The following HTT variants were observed in gnomAD, a reference collection of about 807,000 sequenced individuals.
The protein encoded by HTT is huntingtin, also known as huntington disease protein.
Under a neutral mutation model 362.3 loss-of-function variants are expected in HTT, and 104 were observed. The observed-to-expected ratio is 0.29, with a 90% CI of 0.24 to 0.34. The LOEUF is 0.34. HTT is among the 10% of genes least tolerant of loss of function. HTT has a pLI of 1.00. For missense variants in HTT, 3,301 were observed against 3,928.6 expected (o/e 0.84, Z 4.27); for synonymous variants, 1,577 against 1,548.7 (o/e 1.02, Z -0.43).
At chr4:3,210,107 G>A (rs1052135773) in intron 47 of HTT, among the ~76,000 whole-genome samples, 158 bp downstream of exon 47, 2 of 152,190 alleles carry the variant, frequency 1.3e-5, no homozygotes, top group Admixed American at 6.5e-5. Context: ...CTCTGAATGG[G>A]GCCGGGAAGT....
chr4:3,140,770 A>G, intron 22 of HTT, 114 bp downstream of exon 22: 1 of 1,006,060 alleles, frequency 9.9e-7, no homozygotes. Flanking sequence ...TCAGCTCAGG[A>G]TGTTTGAGTG....
chr4:3,152,529 A>T (rs1210004623), intron 26 of HTT, among the ~76,000 whole-genome samples: 1 of 152,076 alleles, frequency 6.6e-6, no homozygotes, highest in African/African-American at 2.4e-5. Context: ...GGAACTCTGT[A>T]CTCTTTACCC....
chr4:3,097,341 G>A (rs903830197), intron 2 of HTT, among the ~76,000 whole-genome samples: 10 of 151,936 alleles, frequency 6.6e-5, no homozygotes, highest in African/African-American at 1.9e-4. Context: ...ATATTAAAAG[G>A]ACTGTATGAG....
At chr4:3,219,017 A>G (rs1222560292) in intron 52 of HTT, among the ~76,000 whole-genome samples, 1 of 152,136 alleles carries the variant, frequency 6.6e-6, no homozygotes, top group Non-Finnish European at 1.5e-5. Context: ...TTTGATCCTG[A>G]GAGATAAGGA....
At chr4:3,198,381 C>T (rs1039357395) in intron 40 of HTT, among the ~76,000 whole-genome samples, 33 of 152,054 alleles carry the variant, frequency 2.2e-4, no homozygotes, top group African/African-American at 7.7e-4. Context: ...CCCGCCACCA[C>T]ACTCGGCCAA....
At chr4:3,126,611 AC>A (rs1408899728) in intron 11 of HTT, among the ~76,000 whole-genome samples, 1 of 152,222 alleles carries the variant, frequency 6.6e-6, no homozygotes, top group Non-Finnish European at 1.5e-5. Context: ...ATAAAACATC[AC>A]AGCAATCCGG....
At position 3,209,843 on chromosome 4, in the gene HTT, T is replaced by G; in HGVS notation, c.6308T>G (p.Leu2103Arg). ...VSPDKDWYVH[L>R]VKSQCWTRSD... ...TCTTCCCAGGACTGGTACGTTCATC[T>G]TGTCAAATCCCAGTGTTGGACCAGG... Residue 2103 changes from leucine to arginine, a missense_variant, in exon 47 of 67, where the codon CTT (leucine) becomes CGT (arginine). Around this residue, in one of 4 missense-constraint regions of HTT, gnomAD observed 2,316 missense variants for 2,658.5 expected, o/e 0.87. Coordinates refer to ENST00000355072, the MANE Select transcript of HTT (RefSeq NM_001388492.1). 1 of 1,614,086 alleles carries G rather than the reference T, an allele frequency of 6.2e-7. No homozygotes were observed. Among genetic ancestry groups the G allele is most frequent in the Non-Finnish European group, 8.5e-7 (1 of 1,179,948 alleles).
Position 3,140,570 on chromosome 4 carries a change from G to A in HTT, c.2859G>A (p.Val953=). The A allele has an allele frequency of 6.2e-7, 1 of 1,614,016 alleles. No individual in the cohort carries two copies. The highest frequency in any genetic ancestry group is 8.5e-7 in the Non-Finnish European group (1 of 1,179,894). The change falls in exon 22 of 67, where the codon GTG becomes GTA. Residue 953 remains valine (V), a synonymous_variant. Transcript: ENST00000355072. The part of the protein sequence containing the change: ...DQGQADPVVA[V]ARDQSSVYLK... ...GACAAGCTGATCCAGTAGTGGCCGT[G>A]GCAAGAGATCAAAGCAGTGTTTACC...
chr4:3,074,876 CCAG>C lies in HTT; in HGVS notation c.108_110del (p.Gln38del), dbSNP rs71180116. 193,913 of 1,348,862 alleles carry C rather than the reference CCAG, an allele frequency of 0.14. 16,857 individuals are homozygous for C. The highest frequency in any genetic ancestry group is 0.23 in the East Asian group (7,519 of 33,034). The allele number at this position is 1,348,862 out of a possible 1,614,324, so 83.6% of individuals were successfully genotyped here. On this transcript the variant is annotated inframe_deletion, in exon 1 of 67. Transcript: ENST00000355072. ...AGGCCTTCGAGTCCCTCAAGTCCTT[CCAG>C]CAGCAGCAGCAGCAGCAGCAGCAGC...
At chr4:3,075,647 C>CGGGGGGGGGGG (rs1560535774) in intron 1 of HTT, among the ~76,000 whole-genome samples, 2 of 61,682 alleles carry the variant, frequency 3.2e-5, no homozygotes, top group African/African-American at 1.8e-4. Context: ...AGTGGCGGGG[C>CGGGGGGGGGGG]AGGGGGGGGG....
intron 29 of HTT, among the ~76,000 whole-genome samples, chr4:3,161,908 C>T (rs961871263): frequency 6.6e-6 from 1 of 152,196 alleles, no homozygotes; most frequent in Non-Finnish European, 1.5e-5. Flanking sequence ...TTTTGCTATG[C>T]AGAAGCTCTT....
chr4:3,134,888 C>G (rs1172557085), intron 19 of HTT, among the ~76,000 whole-genome samples: 1 of 152,146 alleles, frequency 6.6e-6, no homozygotes, highest in African/African-American at 2.4e-5. Flanking sequence ...TGCCGTCACA[C>G]TGGCTAATAT....
At chr4:3,203,779 T>C (rs1023249520) in intron 41 of HTT, among the ~76,000 whole-genome samples, 1 of 152,280 alleles carries the variant, frequency 6.6e-6, no homozygotes, top group African/African-American at 2.4e-5. Context: ...AGCATTTTAA[T>C]TTTCTGCCTG....
chr4:3,079,881 T>C (rs2110134858), intron 1 of HTT, among the ~76,000 whole-genome samples: 1 of 152,294 alleles, frequency 6.6e-6, no homozygotes, highest in South Asian at 2.1e-4. Context: ...GTGTGAGGAA[T>C]GACTGACTGG....
intron 1 of HTT, among the ~76,000 whole-genome samples, chr4:3,082,808 T>C (rs1436601027): frequency 1.3e-5 from 2 of 152,240 alleles, no homozygotes; most frequent in East Asian, 3.9e-4. Flanking sequence ...TCTGTAGCTG[T>C]GATGAGTGAG....
At chr4:3,192,541 A>T (rs545482998) in intron 40 of HTT, among the ~76,000 whole-genome samples, 80 of 152,296 alleles carry the variant, frequency 5.3e-4, no homozygotes, top group Non-Finnish European at 7.8e-4. Context: ...TCTGGTCCAC[A>T]TGGGCCAAAT....
rs1720219588 is a variant in HTT at position 3,212,671 on chromosome 4, GAGA to G, written c.6739_6741del (p.Lys2247del). ...TCATTTGCACCTTCCTCCTGAGAAA[GAGA>G]AGGACATTGTGAAATTCGTGGTGGC... On this transcript the variant is annotated inframe_deletion, in exon 49 of 67. Transcript: ENST00000355072. The G allele has an allele frequency of 6.2e-7, 1 of 1,614,134 alleles. No homozygotes were observed. Among genetic ancestry groups the G allele is most frequent in the Non-Finnish European group, 8.5e-7 (1 of 1,180,054 alleles).
In HTT at chr4:3,239,966, C is replaced by T. The variant is rs763102180; in HGVS notation, c.9336C>T (p.Phe3112=). 40 of 1,596,878 alleles carry T rather than the reference C, an allele frequency of 2.5e-5. No homozygotes were observed. In the South Asian group the frequency reaches 3.0e-4, roughly 12 times the overall value. The stretch of plus-strand genomic sequence containing the variant: ...AGGAGGAGCTCGACCGCAGGGCCTT[C>T]CAGTCTGTGCTTGAGGTGGTTGCAG... ...QIEEELDRRA[F]QSVLEVVAAP... The change falls in exon 67 of 67, where the codon TTC becomes TTT. Residue 3112 remains phenylalanine, a synonymous_variant. Transcript: ENST00000355072.
intron 50 of HTT, 22 bp from the exon 51 acceptor site, chr4:3,215,088 C>A: frequency 6.3e-7 from 1 of 1,576,504 alleles, no homozygotes; most frequent in African/African-American, 1.3e-5. Context: ...AAATTCTTCT[C>A]TTTGTTCTGT....
Sources: gnomAD v4.1 joint callset for allele counts (sites outside exome capture counted in the v4.1 genomes callset) on GRCh38, gnomAD v4.1.1 for gene constraint, gnomAD v4.1.1 regional missense constraint, MANE v1.5 for transcripts, NCBI Gene and HGNC (gene_info 2026-07-23, HGNC 2026-07-21) for gene names.